COG4: variants seen among roughly 807,000 people sequenced by gnomAD.
COG4 encodes conserved oligomeric Golgi complex subunit 4.
In COG4, 65 loss-of-function variants were observed where a neutral mutation model predicts 95.1. The observed-to-expected ratio is 0.68, with a 90% CI of 0.56 to 0.84. The LOEUF is 0.84. Ranked by LOEUF, COG4 falls within the 40% of genes least tolerant of loss-of-function variation. COG4 has a pLI of 0.00. For missense variants in COG4, 1,045 were observed against 989.1 expected, an observed-to-expected ratio of 1.06 and a Z score of -0.76; for synonymous variants, 421 against 374.8, an observed-to-expected ratio of 1.12 and a Z score of -1.42.
chr16:70,523,370 C>T lies in COG4; in HGVS notation c.171+3G>A, dbSNP rs368602741. On this transcript the variant is annotated splice_donor_region_variant and intron_variant, in intron 1 of 18. Coordinates refer to ENST00000323786, the MANE Select transcript of COG4 (RefSeq NM_015386.3). ...ATGAAAAAGAAGAGGCTCGACCCCG[C>T]ACCTCCTCGCCGCAGAGCCGTTCGT... 1.3e-4 allele frequency: 212 copies of T among 1,614,154 alleles called. No homozygotes were observed. In the African/African-American group the frequency reaches 2.7e-3, roughly 20 times the overall value.
At chr16:70,485,013 C>T (rs1284295007) in intron 13 of COG4, among the ~76,000 whole-genome samples, 1 of 152,106 alleles carries the variant, frequency 6.6e-6, no homozygotes, top group South Asian at 2.1e-4. Context: ...AAATTATTAT[C>T]CCCATTGTAC....
Position 70,497,253 on chromosome 16 carries a change from G to A in COG4, c.1449C>T (p.Asn483=), listed in dbSNP as rs750730779. 9 of 1,614,054 alleles carry A rather than the reference G, an allele frequency of 5.6e-6. No individual in the cohort carries two copies. The highest frequency in any genetic ancestry group is 5.3e-5 in the African/African-American group (4 of 74,920). ...CAGACTCCAGCTCTGTGGTGGCGAG[G>A]TTGATCATGGCACAGAGACAGTCAA... ...SSIDCLCAMI[N]LATTELESDF... The change falls in exon 11 of 19, where the codon AAC becomes AAT. Residue 483 remains asparagine, a synonymous_variant. Coordinates refer to ENST00000323786, the MANE Select transcript of COG4 (RefSeq NM_015386.3).
intron 8 of COG4, among the ~76,000 whole-genome samples, chr16:70,503,240 C>T (rs891685181): frequency 4.6e-5 from 7 of 152,230 alleles, no homozygotes; most frequent in East Asian, 1.9e-4. Flanking sequence ...TTGGTAAAGA[C>T]GGGGTTTCCC....
At position 70,514,369 on chromosome 16, in the gene COG4, C is replaced by T. The variant is rs778390313; in HGVS notation, c.510G>A (p.Lys170=). The T allele has an allele frequency of 3.3e-5, 53 of 1,614,056 alleles. No individual in the cohort carries two copies. Among genetic ancestry groups the T allele is most frequent in the East Asian group, 4.5e-5 (2 of 44,902 alleles). The change falls in exon 4 of 19, where the codon AAG becomes AAA. Residue 170 remains lysine (K), a synonymous_variant. Transcript: ENST00000323786. ...CCTGTCGGCTGAGCTCAATGACCGA[C>T]TTGTCCAGGCACAAGTAGCGATGAG... ...AHTHRYLCLD[K]SVIELSRQGK...
At chr16:70,502,015 G>A (rs972016298) in intron 8 of COG4, among the ~76,000 whole-genome samples, 1 of 152,004 alleles carries the variant, frequency 6.6e-6, no homozygotes, top group African/African-American at 2.4e-5. Flanking sequence ...CAGGCATGGT[G>A]GCTCACGCCT....
In COG4 at chr16:70,515,708, A is replaced by C. The variant is rs7206162; in HGVS notation, c.370-1199T>G. On this transcript the variant is annotated intron_variant, in intron 3 of 18. Coordinates refer to ENST00000323786, the MANE Select transcript of COG4 (RefSeq NM_015386.3). Reference sequence around the variant, plus strand: ...AAAATCAATCAATCAATCAATCAATAAATAAATAAAACATGCTTGCTTGTT... The same window carrying C: ...AAAATCAATCAATCAATCAATCAATCAATAAATAAAACATGCTTGCTTGTT... Among the ~76,000 whole-genome samples, 604 of 151,914 alleles carry C rather than the reference A, an allele frequency of 4.0e-3. 5 individuals carry two copies. The highest frequency in any genetic ancestry group is 7.5e-3 in the South Asian group (36 of 4,816).
chr16:70,520,161 C>T (rs932799334), intron 1 of COG4, among the ~76,000 whole-genome samples: 2 of 152,006 alleles, frequency 1.3e-5, no homozygotes, highest in African/African-American at 2.4e-5. Flanking sequence ...TTAGGCTGGG[C>T]GCGGCGGCTT....
intron 3 of COG4, among the ~76,000 whole-genome samples, chr16:70,517,259 G>T (rs1354216387): frequency 6.6e-6 from 1 of 152,068 alleles, no homozygotes; most frequent in Admixed American, 6.6e-5. Flanking sequence ...GGCCAGGCAA[G>T]GTGGTTCACA....
chr16:70,514,322 T>A lies in COG4; in HGVS notation c.544+13A>T. On this transcript the variant is annotated intron_variant, in intron 4 of 18. Coordinates refer to ENST00000323786, the MANE Select transcript of COG4 (RefSeq NM_015386.3). ...TTTAACTAAACTAAAAACCAACAGT[T>A]TCGGATGCTGACCCTCTTTGCCCTG... 6.2e-7 allele frequency: 1 copy of A among 1,613,980 alleles called. No homozygotes were observed. Among genetic ancestry groups the A allele is most frequent in the Non-Finnish European group, 8.5e-7 (1 of 1,179,880 alleles).
intron 8 of COG4, among the ~76,000 whole-genome samples, chr16:70,504,858 C>G (rs969339830): frequency 6.7e-6 from 1 of 148,712 alleles, no homozygotes; most frequent in Non-Finnish European, 1.5e-5. Context: ...TTGCAGTGAG[C>G]TGAGATCATG....
chr16:70,482,866 T>TCATCCCTTCCCTCTCTCTTCTCCC (rs1320559467), intron 14 of COG4, 45 bp from the exon 15 acceptor site: 11 of 1,446,660 alleles, frequency 7.6e-6, no homozygotes, highest in South Asian at 2.3e-5. Flanking sequence ...AAGGCACGAC[T>TCATCCCTTCCCTCTCTCTTCTCCC]CATCCCTTCC....
At chr16:70,514,213 A>C (rs2049774290) in intron 4 of COG4, 122 bp downstream of exon 4, 1 of 1,002,488 alleles carries the variant, frequency 1.0e-6, no homozygotes, top group Non-Finnish European at 1.5e-6. Flanking sequence ...TCTCAAAAAA[A>C]AAGAAGAAAA....
At chr16:70,514,173 G>A (rs1362079986) in intron 4 of COG4, among the ~76,000 whole-genome samples, 162 bp downstream of exon 4, 1 of 151,718 alleles carries the variant, frequency 6.6e-6, no homozygotes, top group African/African-American at 2.4e-5. Flanking sequence ...TGGCACCACT[G>A]CACCCTATCC....
intron 12 of COG4, among the ~76,000 whole-genome samples, chr16:70,495,180 C>G (rs2049315552): frequency 6.7e-6 from 1 of 148,478 alleles, no homozygotes; most frequent in African/African-American, 2.5e-5. Flanking sequence ...CACTTGAGGT[C>G]AGAAGTTCGA....
intron 8 of COG4, among the ~76,000 whole-genome samples, chr16:70,505,875 G>T (rs917501421): frequency 6.6e-6 from 1 of 151,986 alleles, no homozygotes; most frequent in Non-Finnish European, 1.5e-5. Context: ...CTGGATACAG[G>T]GGCTCATGCC....
At chr16:70,511,541 C>T (rs1316973056) in intron 5 of COG4, among the ~76,000 whole-genome samples, 3 of 149,872 alleles carry the variant, frequency 2.0e-5, no homozygotes, top group Non-Finnish European at 3.0e-5. Flanking sequence ...ACAGTGAGAC[C>T]GTTTCTATAA....
rs746781437 is a variant in COG4 at position 70,517,587 on chromosome 16, C to CA, written c.369+38dup. 0.16 allele frequency: 79,296 copies of CA among 484,812 alleles called. 8,934 individuals are homozygous for CA. Among genetic ancestry groups the CA allele is most frequent in the African/African-American group, 0.55 (13,871 of 25,194 alleles). The allele number at this position is 484,812 out of a possible 1,614,324, so 30.0% of individuals were successfully genotyped here. On this transcript the variant is annotated intron_variant, in intron 3 of 18. Coordinates refer to ENST00000323786, the MANE Select transcript of COG4 (RefSeq NM_015386.3). ...TAGGTGACAGAGCAAGACCCTGTCT[C>CA]AAAAAAAAAAAAAAAAAAAAAAAAG...
intron 9 of COG4, 59 bp from the exon 10 acceptor site, chr16:70,498,114 T>G (rs1351958574): frequency 1.0e-6 from 1 of 970,528 alleles, no homozygotes; most frequent in African/African-American, 1.6e-5. Context: ...ACAGAGCAAC[T>G]TTTTTCATTT....
In COG4 at chr16:70,523,310, C is replaced by G. The variant is rs59149508; in HGVS notation, c.171+63G>C. On this transcript the variant is annotated intron_variant, in intron 1 of 18. Transcript: ENST00000323786. ...GGAGAGTTTCCCACAGCCCGGATTTCCCGACTGAAGGCTCCCACTCTCCCT... is the reference window on the plus strand; with the variant it reads ...GGAGAGTTTCCCACAGCCCGGATTTGCCGACTGAAGGCTCCCACTCTCCCT... 2.7e-3 allele frequency: 4,281 copies of G among 1,595,248 alleles called. 116 individuals are homozygous for G. The African/African-American group carries it at 0.051, about 19-fold the overall frequency.
Sources: allele counts gnomAD v4.1 joint callset (sites outside exome capture counted in the v4.1 genomes callset), GRCh38; gene constraint gnomAD v4.1.1; transcripts MANE v1.5; gene names NCBI Gene and HGNC (gene_info 2026-07-23, HGNC 2026-07-21).